Variants in GRM7 observed in about 807,000 individuals in gnomAD.
GRM7 encodes glutamate metabotropic receptor 7, also known as metabotropic glutamate receptor 7.
In GRM7, 35 loss-of-function variants were observed where a neutral mutation model predicts 84.5. The ratio of observed to expected loss-of-function variants is 0.41; its 90% CI spans 0.32 to 0.55. The LOEUF is 0.55. GRM7 is among the 20% of genes least tolerant of loss of function. The pLI is 0.19. For synonymous variants in GRM7, 487 were observed against 455.1 expected, an observed-to-expected ratio of 1.07 and a Z score of -0.89; for missense variants, 1,003 against 1,194.6, an observed-to-expected ratio of 0.84 and a Z score of 2.36.
At chr3:6,982,791 A>G (rs1416407480) in intron 1 of GRM7, among the ~76,000 whole-genome samples, 1 of 152,130 alleles carries the variant, frequency 6.6e-6, no homozygotes, top group Non-Finnish European at 1.5e-5. Flanking sequence ...GATTTATCAA[A>G]ATTGTCATGT....
chr3:6,920,198 T>C (rs959971461), intron 1 of GRM7, among the ~76,000 whole-genome samples: 1 of 152,184 alleles, frequency 6.6e-6, no homozygotes, highest in Non-Finnish European at 1.5e-5. Context: ...GTTTTGAGAT[T>C]GCTAAGCTTT....
At chr3:7,634,206 A>T (rs537161641) in intron 8 of GRM7, among the ~76,000 whole-genome samples, 123 of 152,290 alleles carry the variant, frequency 8.1e-4, no homozygotes, top group African/African-American at 2.6e-3. Context: ...AGAACAGTGT[A>T]ACTAATATTA....
chr3:7,521,009 C>G (rs1700572529), intron 7 of GRM7, among the ~76,000 whole-genome samples: 1 of 152,190 alleles, frequency 6.6e-6, no homozygotes, highest in African/African-American at 2.4e-5. Flanking sequence ...AAATTCTGAG[C>G]TGTAGGTGGG....
intron 1 of GRM7, among the ~76,000 whole-genome samples, chr3:7,041,221 C>T (rs1239065058): frequency 6.6e-6 from 1 of 152,024 alleles, no homozygotes; most frequent in Non-Finnish European, 1.5e-5. Context: ...GTATACATAT[C>T]ACCACAATCA....
chr3:7,679,765 A>T (rs1443811987), intron 8 of GRM7, among the ~76,000 whole-genome samples: 1 of 152,210 alleles, frequency 6.6e-6, no homozygotes, highest in Non-Finnish European at 1.5e-5. Context: ...CACTTCAATT[A>T]GAAGTCCTTC....
intron 7 of GRM7, among the ~76,000 whole-genome samples, chr3:7,481,921 C>G (rs1353613583): frequency 6.6e-6 from 1 of 152,202 alleles, no homozygotes; most frequent in Non-Finnish European, 1.5e-5. Flanking sequence ...GGTGCAGTGA[C>G]TCACGCCTGT....
At chr3:6,881,787 A>G (rs749119888) in intron 1 of GRM7, among the ~76,000 whole-genome samples, 10 of 152,164 alleles carry the variant, frequency 6.6e-5, no homozygotes, top group Non-Finnish European at 1.2e-4. Flanking sequence ...ATGTGGCCAC[A>G]CTCAGATGCA....
At chr3:7,523,707 T>G (rs780466631) in intron 7 of GRM7, among the ~76,000 whole-genome samples, 1 of 152,038 alleles carries the variant, frequency 6.6e-6, no homozygotes, top group Non-Finnish European at 1.5e-5. Flanking sequence ...CAGAGACCGT[T>G]TTAGAAAAGC....
In GRM7 at chr3:7,544,202, C is replaced by T. The variant is rs191059893; in HGVS notation, c.1516-34220C>T. Among the ~76,000 whole-genome samples, 138 of 152,270 alleles carry T rather than the reference C, an allele frequency of 9.1e-4. 1 individual carries two copies. The highest frequency in any genetic ancestry group is 3.3e-3 in the African/African-American group (136 of 41,514). ...TTTTCTTAAGAGACAGGGTCTCACT[C>T]TGTCACCCAAGTGGAATGCAGTGGC... On this transcript the variant is annotated intron_variant, in intron 7 of 9. Coordinates refer to ENST00000357716, the MANE Select transcript of GRM7 (RefSeq NM_000844.4).
At chr3:7,694,449 A>C in intron 9 of GRM7, 1 of 884,184 alleles carries the variant, frequency 1.1e-6, no homozygotes, top group African/African-American at 1.8e-5. Flanking sequence ...AATAAAGTTT[A>C]AGAATGTCAA....
Position 7,257,260 on chromosome 3 carries a change from A to G in GRM7, c.737-41424A>G, listed in dbSNP as rs574348821. On this transcript the variant is annotated intron_variant, in intron 2 of 9. Coordinates refer to ENST00000357716, the MANE Select transcript of GRM7 (RefSeq NM_000844.4). Reference sequence around the variant, plus strand: ...GTTCCTAGAAGGAAGTATCCTTTTTATGACATCATTGTCTACATGTTGTCC... The same window carrying G: ...GTTCCTAGAAGGAAGTATCCTTTTTGTGACATCATTGTCTACATGTTGTCC... 3.9e-5 allele frequency among the ~76,000 whole-genome samples: 6 copies of G among 152,346 alleles called. No homozygotes were observed. In the South Asian group the frequency reaches 6.2e-4, roughly 16 times the overall value.
chr3:6,892,666 C>T (rs753047360), intron 1 of GRM7: 2 of 152,026 alleles, frequency 1.3e-5, no homozygotes, highest in Non-Finnish European at 2.9e-5. Flanking sequence ...TGTAGCTGCC[C>T]GTTTTACATA....
chr3:7,599,522 T>C (rs943171587), intron 8 of GRM7, among the ~76,000 whole-genome samples: 1 of 152,114 alleles, frequency 6.6e-6, no homozygotes, highest in Admixed American at 6.6e-5. Flanking sequence ...GTTTCAGAAG[T>C]AGGTGTTTGT....
chr3:7,356,649 T>A (rs1332065425), intron 4 of GRM7, among the ~76,000 whole-genome samples: 1 of 152,094 alleles, frequency 6.6e-6, no homozygotes, highest in Non-Finnish European at 1.5e-5. Context: ...GACCCTTTTT[T>A]AGATACCACT....
intron 4 of GRM7, among the ~76,000 whole-genome samples, chr3:7,323,002 A>G (rs977501899): frequency 6.6e-6 from 1 of 152,088 alleles, no homozygotes; most frequent in Non-Finnish European, 1.5e-5. Flanking sequence ...TTGCTTATGG[A>G]ACAAAGGAAA....
chr3:7,517,303 A>G (rs1700426700), intron 7 of GRM7, among the ~76,000 whole-genome samples: 1 of 152,202 alleles, frequency 6.6e-6, no homozygotes. Flanking sequence ...TGTCAAACAG[A>G]AAATGTTTGT....
chr3:7,445,270 G>T (rs1469896273), intron 5 of GRM7, among the ~76,000 whole-genome samples: 1 of 152,170 alleles, frequency 6.6e-6, no homozygotes, highest in African/African-American at 2.4e-5. Flanking sequence ...AGGAGGACAA[G>T]ACTGTCCCTT....
At chr3:7,092,186 G>A (rs1698689539) in intron 1 of GRM7, among the ~76,000 whole-genome samples, 1 of 151,994 alleles carries the variant, frequency 6.6e-6, no homozygotes, top group Non-Finnish European at 1.5e-5. Flanking sequence ...TTTAATCCGT[G>A]AAGTAAAGAA....
rs573896050 is a variant in GRM7, at chr3:7,424,158, C to A, written c.1174+8995C>A. On this transcript the variant is annotated intron_variant, in intron 5 of 9. Coordinates refer to ENST00000357716, the MANE Select transcript of GRM7 (RefSeq NM_000844.4). The stretch of plus-strand genomic sequence containing the variant: ...AAAGGAGGGATAACAACAGTCCCTA[C>A]TATATGGGCTCATTCACAAGAATTA... 2.6e-5 allele frequency among the ~76,000 whole-genome samples: 4 copies of A among 152,188 alleles called. No individual in the cohort carries two copies. The East Asian group carries it at 5.8e-4, about 22-fold the overall frequency.
Sources: allele counts gnomAD v4.1 joint callset (sites outside exome capture counted in the v4.1 genomes callset), GRCh38; gene constraint gnomAD v4.1.1; transcripts MANE v1.5; gene names NCBI Gene and HGNC (gene_info 2026-07-23, HGNC 2026-07-21).